The following NCOR2 variants were observed in gnomAD, a reference collection of about 807,000 sequenced individuals.
NCOR2 encodes CTG repeat protein 26.
A neutral mutation model predicts 262.9 loss-of-function variants in NCOR2; 81 were observed. That is an observed-to-expected ratio of 0.31 (90% CI 0.26 to 0.37). NCOR2 has a LOEUF of 0.37. Among genes scored for constraint, NCOR2 ranks in the 10% least tolerant of loss-of-function variants. The pLI is 1.00. For synonymous variants in NCOR2, 1,659 were observed against 1,559.3 expected (o/e 1.06, Z -1.51); for missense variants, 3,385 against 3,621.4 (o/e 0.93, Z 1.68).
At chr12:124,407,538 C>T (rs771468222) in intron 13 of NCOR2, among the ~76,000 whole-genome samples, 19 of 152,154 alleles carry the variant, frequency 1.2e-4, no homozygotes, top group African/African-American at 3.1e-4. Flanking sequence ...GCAGGGGTCG[C>T]AGGGAGTCAC....
intron 5 of NCOR2, among the ~76,000 whole-genome samples, chr12:124,460,562 G>A (rs924954864): frequency 8.5e-5 from 13 of 152,202 alleles, no homozygotes; most frequent in Non-Finnish European, 1.3e-4. Flanking sequence ...CCAAGGACAC[G>A]GAGTCCTCTC....
chr12:124,536,601 C>T (rs1302567940), upstream of NCOR2, among the ~76,000 whole-genome samples: 1 of 152,136 alleles, frequency 6.6e-6, no homozygotes, highest in African/African-American at 2.4e-5. Flanking sequence ...GCAATTAAAA[C>T]CACGAAAGAC....
rs1404451784 is a variant in NCOR2, at chr12:124,454,688, C to CT, written c.762+2417dup. On this transcript the variant is annotated intron_variant, in intron 6 of 46. Transcript: ENST00000405201. The surrounding 1 kb of genome is among the most constrained non-coding windows in gnomAD (Gnocchi z 5.6). The stretch of plus-strand genomic sequence containing the variant: ...AGAAACCGAGGCAAGAGGCAGCTTA[C>CT]TGGTGGAGATGTAAAATGGTACGGC... 6.6e-6 allele frequency among the ~76,000 whole-genome samples: 1 copy of CT among 152,136 alleles called. No homozygotes were observed. The highest frequency in any genetic ancestry group is 1.9e-4 in the East Asian group (1 of 5,180).
At chr12:124,349,464 G>A (rs761140158) in intron 28 of NCOR2, among the ~76,000 whole-genome samples, 16 of 152,242 alleles carry the variant, frequency 1.1e-4, no homozygotes, top group Middle Eastern at 6.8e-3. Context: ...CAAATTAATC[G>A]CCGATGTTTA....
chr12:124,473,050 G>A, exon 4 of NCOR2: 1 of 1,614,148 alleles, frequency 6.2e-7, no homozygotes, highest in Non-Finnish European at 8.5e-7. Context: ...GACAGCCGTG[G>A]CGGCACCAGC....
intron 15 of NCOR2, among the ~76,000 whole-genome samples, chr12:124,399,950 G>A (rs572353189): frequency 5.9e-5 from 9 of 152,114 alleles, no homozygotes; most frequent in Non-Finnish European, 1.3e-4. Flanking sequence ...GGAAGTGAAG[G>A]TACAAAACCA....
At chr12:124,419,152 A>G (rs998717159) in intron 13 of NCOR2, among the ~76,000 whole-genome samples, 4 of 152,172 alleles carry the variant, frequency 2.6e-5, no homozygotes, top group Non-Finnish European at 5.9e-5. Flanking sequence ...AAGGCGTGCC[A>G]CTGAGCCTCT....
intron 22 of NCOR2, among the ~76,000 whole-genome samples, chr12:124,360,822 C>T (rs988474628): frequency 5.3e-4 from 27 of 51,038 alleles, no homozygotes; most frequent in African/African-American, 1.1e-3. Flanking sequence ...TTCCCGGAGC[C>T]GCTCTTCACT....
intron 40 of NCOR2, 190 bp from the exon 43 acceptor site, chr12:124,334,807 CGGTCCCAAGCT>C: frequency 1.7e-6 from 1 of 594,510 alleles, no homozygotes; most frequent in South Asian, 2.1e-5. Context: ...CTGTGGTCAG[CGGTCCCAAGCT>C]GGTAGTTGGC....
At position 124,481,072 on chromosome 12, in the gene NCOR2, G is replaced by A. The variant is rs2047444548; in HGVS notation, c.411+2524C>T. On this transcript the variant is annotated intron_variant, in intron 3 of 46. Coordinates refer to ENST00000405201, the Ensembl canonical transcript of NCOR2. This position sits in a 1 kb window ranked among gnomAD's most constrained non-coding sequence, Gnocchi z 4.6. ...GAGGTTGCCCCAGGGGATGAGCAGG[G>A]AGAGATGGCAGGAGCTGAGGAAGCA... Among the ~76,000 whole-genome samples, 1 of 151,744 alleles carries A rather than the reference G, an allele frequency of 6.6e-6. No homozygotes were observed. Among genetic ancestry groups the A allele is most frequent in the Non-Finnish European group, 1.5e-5 (1 of 67,910 alleles).
chr12:124,467,765 CCA>C (rs2046541606), intron 4 of NCOR2, among the ~76,000 whole-genome samples: 1 of 100,350 alleles, frequency 1.0e-5, no homozygotes. Context: ...TTCATCACCC[CCA>C]TCACCCTCAT....
chr12:124,388,623 C>T (rs2040997421), intron 16 of NCOR2: 1 of 1,295,012 alleles, frequency 7.7e-7, no homozygotes, highest in South Asian at 1.2e-5. Flanking sequence ...CAGATGGCCA[C>T]GTTGCGGTCC....
At chr12:124,536,654 T>C (rs2137195927), upstream of NCOR2, among the ~76,000 whole-genome samples, 1 of 152,204 alleles carries the variant, frequency 6.6e-6, no homozygotes, top group East Asian at 1.9e-4. Flanking sequence ...ACAGACAACA[T>C]CAAGTGCTGG....
exon 20 of NCOR2, chr12:124,372,350 TCTC>T (rs2039575127): frequency 3.3e-6 from 5 of 1,514,758 alleles, no homozygotes; most frequent in African/African-American, 1.4e-5. Context: ...TCCTCCTCCT[TCTC>T]CTCCTTGGGG....
At position 124,549,817 on chromosome 12, in the gene NCOR2, ACCACC is replaced by A. The variant is rs2051657458; in HGVS notation, c.-164-14211_-164-14207del. Reference sequence around the variant, plus strand: ...GGCGGCAGGAACGGGGCCTTGAGTCACCACCCTATCCCACTGGGAAGGCAGGGGTG... The same window carrying A: ...GGCGGCAGGAACGGGGCCTTGAGTCACTATCCCACTGGGAAGGCAGGGGTG... On this transcript the variant is annotated intron_variant, in intron 1 of 32. Transcript: ENST00000458234. The surrounding 1 kb of genome is among the most constrained non-coding windows in gnomAD (Gnocchi z 4.4). 6.6e-6 allele frequency among the ~76,000 whole-genome samples: 1 copy of A among 152,150 alleles called. No homozygotes were observed. The highest frequency in any genetic ancestry group is 1.9e-4 in the East Asian group (1 of 5,166).
intron 4 of NCOR2, among the ~76,000 whole-genome samples, chr12:124,472,153 A>C (rs1318859559): frequency 6.6e-6 from 1 of 152,270 alleles, no homozygotes; most frequent in Admixed American, 6.5e-5. Flanking sequence ...TGTCAGGGAC[A>C]TCTGAGCAGA....
chr12:124,469,144 G>C (rs1593694171), intron 4 of NCOR2, among the ~76,000 whole-genome samples: 1 of 152,114 alleles, frequency 6.6e-6, no homozygotes, highest in African/African-American at 2.4e-5. Context: ...AAGGTCAGAT[G>C]GAAGGCCAAT....
rs1452471805 is a variant in NCOR2, at chr12:124,517,969, C to A, written c.-118+17596G>T. ...CCCCAGCCCTGGCCACCACCTCCAG[C>A]GACAGAACTGGGGCTCTTTCCAGAT... On this transcript the variant is annotated intron_variant, in intron 1 of 46. Coordinates refer to the NCOR2 transcript ENST00000404621. This position sits in a 1 kb window ranked among gnomAD's most constrained non-coding sequence, Gnocchi z 7.6. Among the ~76,000 whole-genome samples, 2 of 152,126 alleles carry A rather than the reference C, an allele frequency of 1.3e-5. No homozygotes were observed. The highest frequency in any genetic ancestry group is 4.8e-5 in the African/African-American group (2 of 41,430).
At chr12:124,332,657 G>T (rs2135750383) in intron 42 of NCOR2, among the ~76,000 whole-genome samples, 190 bp from the exon 45 acceptor site, 1 of 152,256 alleles carries the variant, frequency 6.6e-6, no homozygotes, top group South Asian at 2.1e-4. Context: ...CCGTCCTGGG[G>T]CTAGGGGTGT....
Sources: gnomAD v4.1 joint callset for allele counts (sites outside exome capture counted in the v4.1 genomes callset) on GRCh38, gnomAD v4.1.1 for gene constraint, Gnocchi (gnomAD v3.1) non-coding constraint, MANE v1.5 for transcripts, NCBI Gene and HGNC (gene_info 2026-07-23, HGNC 2026-07-21) for gene names.